The following PGK1 variants were observed in gnomAD, a reference collection of about 807,000 sequenced individuals.
PGK1 encodes phosphoglycerate kinase 1.
PGK1 carries 3 observed loss-of-function variants against 26.9 expected under a neutral mutation model. That is an observed-to-expected ratio of 0.11 (90% CI 0.05 to 0.29). The LOEUF (loss-of-function observed/expected upper bound fraction) is 0.29, where lower values mean the gene tolerates loss of function less well. PGK1 is among the 10% of genes least tolerant of loss of function. The probability of loss-of-function intolerance (pLI) is 1.00; values close to 1 mark genes in which losing one functional copy is unlikely to be tolerated. For missense variants in PGK1, 270 were observed against 314.7 expected (o/e 0.86, Z 1.07); for synonymous variants, 125 against 115.3 (o/e 1.08, Z -0.54).
intron 1 of PGK1, among the ~76,000 whole-genome samples, chrX:78,105,529 A>G (rs888870589): frequency 9.0e-6 from 1 of 111,542 alleles, no homozygotes; most frequent in Non-Finnish European, 1.9e-5. Context: ...GGCTGGTTCA[A>G]ATGAGGGCTT....
At chrX:78,109,688 C>G (rs2078290540) in intron 1 of PGK1, among the ~76,000 whole-genome samples, 179 bp from the exon 2 acceptor site, 1 of 111,095 alleles carries the variant, frequency 9.0e-6, no homozygotes, top group Non-Finnish European at 1.9e-5. Flanking sequence ...TGTCGTTATC[C>G]CAGTCACCAC....
At chrX:78,121,631 G>A (rs1159802546) in intron 6 of PGK1, among the ~76,000 whole-genome samples, 4 of 112,691 alleles carry the variant, frequency 3.5e-5, no homozygotes, top group East Asian at 2.8e-4. Flanking sequence ...GTTTGTCCAC[G>A]TAAGTGGGAT....
chrX:78,117,555 C>T, intron 5 of PGK1, 140 bp downstream of exon 5: 1 of 508,245 alleles, frequency 2.0e-6, no homozygotes. Flanking sequence ...GCCACTATGG[C>T]TCTTGTTGAG....
intron 7 of PGK1, 112 bp from the exon 8 acceptor site, chrX:78,123,083 G>T: frequency 1.4e-6 from 1 of 737,136 alleles, no homozygotes; most frequent in Non-Finnish European, 2.1e-6. Context: ...CAAGTCTTTC[G>T]TCTTTGCATT....
chrX:78,104,452 C>G, intron 1 of PGK1, 47 bp downstream of exon 1: 1 of 990,572 alleles, frequency 1.0e-6, no homozygotes, highest in Non-Finnish European at 1.4e-6. Flanking sequence ...CTGTCGCAAA[C>G]CTCTTTGGCC....
Position 78,122,856 on chromosome X carries a change from C to T in PGK1, c.663C>T (p.Ile221=). ...ILGGAKVADK[I]QLINNMLDKV... is the part of the protein sequence containing the mutation. ...GTAGAGCTAAAGTTGCAGACAAGAT[C>T]CAGCTCATCAATAATATGCTGGACA... Residue 221 remains isoleucine (I), a synonymous_variant, in exon 7 of 11, where the codon ATC becomes ATT. Transcript: ENST00000373316. 1 of 1,189,722 alleles carries T rather than the reference C, an allele frequency of 8.4e-7. No individual in the cohort carries two copies. The highest frequency in any genetic ancestry group is 1.7e-5 in the African/African-American group (1 of 57,281).
In PGK1 at chrX:78,128,219, A is replaced by T. The variant is rs190787323; in HGVS notation, c.*2389A>T. On this transcript the variant is annotated 3_prime_UTR_variant, in exon 11 of 11. Coordinates refer to ENST00000373316, the MANE Select transcript of PGK1 (RefSeq NM_000291.4). ...AAGGAATTTTTAACCTAACCAAAGAAGATAGTAGATAACTTGTGTGCATAT... is the reference window on the plus strand; with the variant it reads ...AAGGAATTTTTAACCTAACCAAAGATGATAGTAGATAACTTGTGTGCATAT... 1 of 113,351 alleles carries T rather than the reference A, an allele frequency of 8.8e-6. No individual in the cohort carries two copies. Among genetic ancestry groups the T allele is most frequent in the East Asian group, 2.8e-4 (1 of 3,631 alleles). 9.3% of individuals were successfully genotyped at this position (113,351 alleles called of 1,213,427 possible).
In PGK1 at chrX:78,127,268, A is replaced by G. The variant is rs782755835; in HGVS notation, c.*1438A>G. ...CTTGATTCCTAGTTTGGCTATATAT[A>G]GAATTTTAGCCTGAGTATCACTTTT... On this transcript the variant is annotated 3_prime_UTR_variant, in exon 11 of 11. Coordinates refer to ENST00000373316, the MANE Select transcript of PGK1 (RefSeq NM_000291.4). The G allele has an allele frequency of 8.9e-6, 1 of 112,818 alleles. No individual in the cohort carries two copies. The highest frequency in any genetic ancestry group is 3.6e-4 in the South Asian group (1 of 2,750). 9.3% of individuals were successfully genotyped at this position (112,818 alleles called of 1,213,427 possible). A position where few individuals can be genotyped will look rare whatever the true frequency, so the allele number is the denominator to read the frequency against.
At chrX:78,119,548 C>T (rs1014122822) in intron 6 of PGK1, among the ~76,000 whole-genome samples, 1 of 111,801 alleles carries the variant, frequency 8.9e-6, no homozygotes, top group African/African-American at 3.3e-5. Flanking sequence ...TTTCAGGTAG[C>T]ATAGTTGCTT....
Position 78,128,105 on chromosome X carries a change from A to G in PGK1, c.*2275A>G, listed in dbSNP as rs2078390705. On this transcript the variant is annotated 3_prime_UTR_variant, in exon 11 of 11. Transcript: ENST00000373316. The stretch of plus-strand genomic sequence containing the variant: ...AGAATGAATGGGGGAATCTCCAGTC[A>G]TAAACAACTTGTCAATTAGGCAAAT... 1.8e-5 allele frequency: 2 copies of G among 112,916 alleles called. No individual in the cohort carries two copies. The highest frequency in any genetic ancestry group is 1.9e-4 in the Admixed American group (2 of 10,704). The allele number at this position is 112,916 out of a possible 1,213,427, so 9.3% of individuals were successfully genotyped here.
chrX:78,124,846 C>G, intron 8 of PGK1, 28 bp from the exon 9 acceptor site: 1 of 1,182,714 alleles, frequency 8.5e-7, no homozygotes, highest in Non-Finnish European at 1.1e-6. Context: ...CTTGATAGCT[C>G]ATCTTCTCTT....
rs1487569023 is a variant in PGK1 at position 78,109,726 on chromosome X, C to T, written c.66-141C>T. ...CCGCCATCCTCCCCATGACTAACCA[C>T]TATTTTGACTTTTAATGCCACTGAT... On this transcript the variant is annotated intron_variant, in intron 1 of 10. Transcript: ENST00000373316. 5.8e-6 allele frequency: 3 copies of T among 514,721 alleles called. No homozygotes were observed. The African/African-American group carries it at 7.0e-5, about 12-fold the overall frequency. 42.4% of individuals were successfully genotyped at this position (514,721 alleles called of 1,213,427 possible). A position where few individuals can be genotyped will look rare whatever the true frequency, so the allele number is the denominator to read the frequency against.
At chrX:78,115,116 G>A (rs2284752) in intron 4 of PGK1, among the ~76,000 whole-genome samples, 29,990 of 110,157 alleles carry the variant, frequency 0.27, 3,169 homozygotes, top group East Asian at 0.38. Context: ...TGGTCTTGCT[G>A]CAGTATTAGG....
Position 78,125,777 on chromosome X carries a change from C to T in PGK1, c.1214-13C>T. On this transcript the variant is annotated splice_polypyrimidine_tract_variant and intron_variant, in intron 10 of 10. Transcript: ENST00000373316. ...GTAATGCTGTCTATGTATGTGTGCT[C>T]TCTCAAAAACAGGTAAAGTCCTTCC... The T allele has an allele frequency of 8.4e-7, 1 of 1,193,253 alleles. No homozygotes were observed. The highest frequency in any genetic ancestry group is 2.3e-4 in the Middle Eastern group (1 of 4,295).
In PGK1 at chrX:78,126,578, T is replaced by C. The variant is rs2078384720; in HGVS notation, c.*748T>C. On this transcript the variant is annotated 3_prime_UTR_variant, in exon 11 of 11. Coordinates refer to ENST00000373316, the MANE Select transcript of PGK1 (RefSeq NM_000291.4). ...ATTCCCACTCCCCAGAGGTGACCAC[T>C]TTCAACTCTTGAGTTTTTCAGGTAT... 8.9e-6 allele frequency: 1 copy of C among 111,969 alleles called. No homozygotes were observed. Among genetic ancestry groups the C allele is most frequent in the Non-Finnish European group, 1.9e-5 (1 of 53,202 alleles). The allele number at this position is 111,969 out of a possible 1,213,427, so 9.2% of individuals were successfully genotyped here. A position where few individuals can be genotyped will look rare whatever the true frequency, so the allele number is the denominator to read the frequency against.
Position 78,124,920 on chromosome X carries a change from T to G in PGK1, c.983T>G (p.Val328Gly). The part of the protein sequence containing the change: ...PESSKKYAEA[V>G]TRAKQIVWNG... Reference sequence around the variant, plus strand: ...AGCAGCAAGAAGTATGCTGAGGCTGTCACTCGGGCTAAGCAGATTGTGTGG... The same window carrying G: ...AGCAGCAAGAAGTATGCTGAGGCTGGCACTCGGGCTAAGCAGATTGTGTGG... The change falls in exon 9 of 11, where the codon GTC becomes GGC. Residue 328 changes from valine (V) to glycine (G), a missense_variant. Transcript: ENST00000373316. 1 of 1,208,975 alleles carries G rather than the reference T, an allele frequency of 8.3e-7. No individual in the cohort carries two copies. Among genetic ancestry groups the G allele is most frequent in the Non-Finnish European group, 1.1e-6 (1 of 893,911 alleles).
intron 6 of PGK1, among the ~76,000 whole-genome samples, chrX:78,122,489 T>G (rs1475637165): frequency 9.4e-6 from 1 of 106,519 alleles, no homozygotes; most frequent in African/African-American, 3.5e-5. Context: ...ACCCATAGTT[T>G]CCTTAGACAA....
chrX:78,116,205 A>G (rs782018319), intron 4 of PGK1, among the ~76,000 whole-genome samples: 8 of 111,298 alleles, frequency 7.2e-5, no homozygotes, highest in Non-Finnish European at 1.3e-4. Context: ...CCTTTTTGAT[A>G]GAAGGGAAAA....
rs782455017 is a variant in PGK1 at position 78,122,888 on chromosome X, A to G, written c.695A>G (p.Asn232Ser). 6.6e-6 allele frequency: 8 copies of G among 1,204,254 alleles called. No individual in the cohort carries two copies. Among genetic ancestry groups the G allele is most frequent in the South Asian group, 3.5e-5 (2 of 56,834 alleles). ...QLINNMLDKVNEMIIGGGMAF... is the reference protein window; with the variant it reads ...QLINNMLDKVSEMIIGGGMAF... ...ATCAATAATATGCTGGACAAAGTCA[A>G]TGAGATGATTATTGGTGGTGGAATG... The change falls in exon 7 of 11, where the codon AAT (asparagine) becomes AGT (serine). Residue 232 changes from asparagine (N) to serine (S), a missense_variant. By Grantham distance (46) the Asn-to-Ser change is conservative (BLOSUM62 1). Around this residue, in one of 3 missense-constraint regions of PGK1, gnomAD observed 17 missense variants for 45.5 expected, o/e 0.37. Coordinates refer to ENST00000373316, the MANE Select transcript of PGK1 (RefSeq NM_000291.4).
Sources: allele counts gnomAD v4.1 joint callset (sites outside exome capture counted in the v4.1 genomes callset), GRCh38; gene constraint gnomAD v4.1.1; regional missense constraint gnomAD v4.1.1; transcripts MANE v1.5; gene names NCBI Gene and HGNC (gene_info 2026-07-23, HGNC 2026-07-21).